RBFOX1: variants seen among roughly 807,000 people sequenced by gnomAD.
RBFOX1 encodes RNA binding protein fox-1 homolog 1.
RBFOX1 carries 8 observed loss-of-function variants against 57.7 expected under a neutral mutation model. The ratio of observed to expected loss-of-function variants is 0.14; its 90% CI spans 0.08 to 0.25. RBFOX1 has a LOEUF of 0.25. Among genes scored for constraint, RBFOX1 ranks in the 10% least tolerant of loss-of-function variants. The pLI, the probability that RBFOX1 is intolerant of heterozygous loss-of-function variation, is 1.00. For synonymous variants in RBFOX1, 326 were observed against 222.4 expected (o/e 1.47, Z -4.15); for missense variants, 611 against 548.5 (o/e 1.11, Z -1.14).
chr16:7,576,829 G>A (rs2093376649), intron 5 of RBFOX1, among the ~76,000 whole-genome samples: 2 of 152,278 alleles, frequency 1.3e-5, no homozygotes, highest in African/African-American at 4.8e-5. Context: ...AGCTCATTTT[G>A]TTTTTGCATT....
intron 4 of RBFOX1, among the ~76,000 whole-genome samples, chr16:7,066,651 A>G (rs1213884887): frequency 2.0e-5 from 3 of 152,220 alleles, no homozygotes; most frequent in African/African-American, 7.2e-5. Flanking sequence ...CCAAAACTAT[A>G]GCAGCAATTA....
intron 1 of RBFOX1, among the ~76,000 whole-genome samples, chr16:5,428,378 G>T (rs775610122): frequency 6.6e-6 from 1 of 152,188 alleles, no homozygotes; most frequent in Non-Finnish European, 1.5e-5. Flanking sequence ...TAAGTAGGAG[G>T]CGTCCCCAAC....
chr16:5,879,068 C>G (rs1256964307), intron 4 of RBFOX1, among the ~76,000 whole-genome samples: 1 of 152,184 alleles, frequency 6.6e-6, no homozygotes, highest in African/African-American at 2.4e-5. Flanking sequence ...CCTTACAGCT[C>G]AGCAGCCAAG....
At chr16:7,304,041 G>GGGGA (rs1177596159) in intron 4 of RBFOX1, among the ~76,000 whole-genome samples, 7 of 151,868 alleles carry the variant, frequency 4.6e-5, no homozygotes, top group Admixed American at 4.6e-4. Context: ...AAAGCCAGAC[G>GGGGA]ACCGCGCGAA....
At chr16:7,198,754 C>A (rs1332424658) in intron 4 of RBFOX1, among the ~76,000 whole-genome samples, 2 of 152,194 alleles carry the variant, frequency 1.3e-5, no homozygotes, top group Non-Finnish European at 2.9e-5. Context: ...GTGGAGTTCT[C>A]GTAATCTAAT....
intron 2 of RBFOX1, among the ~76,000 whole-genome samples, chr16:6,573,331 A>G (rs1016194402): frequency 7.2e-5 from 11 of 152,144 alleles, no homozygotes; most frequent in African/African-American, 2.4e-4. Context: ...GAAACAGAGA[A>G]AGGCTTTCTC....
intron 3 of RBFOX1, among the ~76,000 whole-genome samples, chr16:6,984,162 G>A (rs2089682832): frequency 6.6e-6 from 1 of 152,124 alleles, no homozygotes; most frequent in African/African-American, 2.4e-5. Context: ...CAGGACAATT[G>A]CTTGAACCCT....
At chr16:5,993,790 T>C (rs1303804330) in intron 4 of RBFOX1, among the ~76,000 whole-genome samples, 1 of 152,210 alleles carries the variant, frequency 6.6e-6, no homozygotes, top group African/African-American at 2.4e-5. Context: ...GCTTGAATAT[T>C]GCCGCTCATA....
chr16:6,118,466 A>G (rs1229576525), intron 1 of RBFOX1, among the ~76,000 whole-genome samples: 1 of 152,148 alleles, frequency 6.6e-6, no homozygotes, highest in East Asian at 1.9e-4. Context: ...TCTTGTTGCC[A>G]TGTCATCACA....
chr16:7,557,317 A>G (rs7404123), intron 5 of RBFOX1, among the ~76,000 whole-genome samples: 126,327 of 152,022 alleles, frequency 0.83, 53,934 homozygotes, highest in Non-Finnish European at 0.94. Context: ...TCCAATGACT[A>G]TTTTTAAAAA....
At chr16:7,338,661 C>T (rs768968900) in intron 4 of RBFOX1, among the ~76,000 whole-genome samples, 23 of 152,122 alleles carry the variant, frequency 1.5e-4, no homozygotes, top group African/African-American at 1.2e-4. Flanking sequence ...CAGAAACCAG[C>T]GTATGTATTT....
At chr16:6,551,864 G>C (rs143432548) in intron 2 of RBFOX1, among the ~76,000 whole-genome samples, 7 of 152,152 alleles carry the variant, frequency 4.6e-5, no homozygotes, top group Admixed American at 4.6e-4. Context: ...CAGTGCGTTG[G>C]TCATTTCAGA....
intron 4 of RBFOX1, among the ~76,000 whole-genome samples, chr16:7,253,728 G>C (rs1005427014): frequency 6.6e-6 from 1 of 152,086 alleles, no homozygotes; most frequent in East Asian, 1.9e-4. Flanking sequence ...ATAGTATTCT[G>C]TGTCGATCTA....
chr16:5,467,173 C>CTT (rs760410627), intron 1 of RBFOX1: 50 of 1,092,700 alleles, frequency 4.6e-5, no homozygotes, highest in Admixed American at 2.8e-4. Flanking sequence ...CTCAATGTTT[C>CTT]TTCTCTCTCT....
chr16:5,262,570 C>T (rs1372025786), intron 1 of RBFOX1, among the ~76,000 whole-genome samples: 1 of 152,176 alleles, frequency 6.6e-6, no homozygotes, highest in Non-Finnish European at 1.5e-5. Flanking sequence ...GACTCCTTAG[C>T]CTCCATAACC....
At chr16:6,243,884 G>C (rs889871559) in intron 1 of RBFOX1, among the ~76,000 whole-genome samples, 1 of 152,098 alleles carries the variant, frequency 6.6e-6, no homozygotes, top group East Asian at 1.9e-4. Context: ...AAGAGAGGAC[G>C]TGTCCAGAGG....
chr16:7,443,479 G>A (rs201202280), intron 4 of RBFOX1, among the ~76,000 whole-genome samples: 191 of 149,780 alleles, frequency 1.3e-3, no homozygotes, highest in African/African-American at 4.0e-3. Flanking sequence ...TCAGTTCAGC[G>A]TTTGACTGGT....
At chr16:5,347,529 T>A (rs779146124) in intron 1 of RBFOX1, among the ~76,000 whole-genome samples, 5 of 152,106 alleles carry the variant, frequency 3.3e-5, no homozygotes, top group Non-Finnish European at 7.4e-5. Flanking sequence ...ACCATACACT[T>A]GGAAAATCAC....
chr16:7,672,800 C>A (rs3785205), intron 13 of RBFOX1, among the ~76,000 whole-genome samples: 3 of 141,756 alleles, frequency 2.1e-5, no homozygotes, highest in Non-Finnish European at 3.0e-5. Context: ...CTGGGAGACA[C>A]AGATTGCAGT....
Sources: allele counts gnomAD v4.1 joint callset (sites outside exome capture counted in the v4.1 genomes callset), GRCh38; gene constraint gnomAD v4.1.1; transcripts MANE v1.5; gene names NCBI Gene and HGNC (gene_info 2026-07-23, HGNC 2026-07-21).